RIT2: variants seen among roughly 807,000 people sequenced by gnomAD.
RIT2 encodes GTP-binding protein Rit2.
RIT2 carries 24 observed loss-of-function variants against 23.7 expected under a neutral mutation model. That is an observed-to-expected ratio of 1.01 (90% CI 0.73 to 1.43). RIT2 has a LOEUF of 1.43. Among genes scored for constraint, RIT2 ranks in the 40% most tolerant of loss-of-function variants. The pLI, the probability that RIT2 is intolerant of heterozygous loss-of-function variation, is 0.00. For synonymous variants in RIT2, 107 were observed against 91.1 expected, an observed-to-expected ratio of 1.17 and a Z score of -0.99; for missense variants, 236 against 266.9, an observed-to-expected ratio of 0.88 and a Z score of 0.81.
chr18:42,938,861 C>T (rs1909525783), intron 3 of RIT2, among the ~76,000 whole-genome samples: 1 of 152,108 alleles, frequency 6.6e-6, no homozygotes, highest in South Asian at 2.1e-4. Context: ...GTCTCAGCCT[C>T]CTGAGTAGCT....
chr18:43,001,890 G>A (rs963099919), intron 2 of RIT2, among the ~76,000 whole-genome samples: 1 of 151,974 alleles, frequency 6.6e-6, no homozygotes, highest in Non-Finnish European at 1.5e-5. Context: ...AGCTGGAGTA[G>A]ATGTGTGTGC....
At chr18:42,785,174 C>T (rs1385198048) in intron 4 of RIT2, among the ~76,000 whole-genome samples, 4 of 152,086 alleles carry the variant, frequency 2.6e-5, no homozygotes, top group African/African-American at 9.7e-5. Flanking sequence ...ACCCTATTTT[C>T]CAGAGCTAGT....
chr18:43,112,564 C>A (rs1471715199), intron 1 of RIT2, among the ~76,000 whole-genome samples: 7 of 152,048 alleles, frequency 4.6e-5, no homozygotes, highest in Admixed American at 4.6e-4. Context: ...GTTGCAAATT[C>A]TTTTAAAAGT....
At chr18:42,814,872 C>T (rs1024637965) in intron 4 of RIT2, among the ~76,000 whole-genome samples, 4 of 152,170 alleles carry the variant, frequency 2.6e-5, no homozygotes, top group Non-Finnish European at 4.4e-5. Context: ...CCCCCAGTAC[C>T]AGCCTGGAGC....
At chr18:43,047,831 T>C (rs1032034097) in intron 1 of RIT2, among the ~76,000 whole-genome samples, 14 of 152,166 alleles carry the variant, frequency 9.2e-5, no homozygotes, top group African/African-American at 3.4e-4. Flanking sequence ...GTGTTTAAAT[T>C]ATACTCCTTT....
intron 1 of RIT2, among the ~76,000 whole-genome samples, chr18:43,037,523 T>C (rs56318189): frequency 0.6 from 90,592 of 151,912 alleles, 28,380 homozygotes; most frequent in Non-Finnish European, 0.72. Context: ...TTAAAATTTG[T>C]TTTATTTTAA....
chr18:42,977,855 C>T (rs1394163732), intron 2 of RIT2, among the ~76,000 whole-genome samples: 1 of 148,756 alleles, frequency 6.7e-6, no homozygotes, highest in Non-Finnish European at 1.5e-5. Flanking sequence ...CTCAGCCATT[C>T]TAAATGTATT....
intron 4 of RIT2, among the ~76,000 whole-genome samples, chr18:42,795,942 A>G (rs554286442): frequency 6.6e-6 from 1 of 152,234 alleles, no homozygotes; most frequent in African/African-American, 2.4e-5. Context: ...TGTCTAGCCC[A>G]GGGATTGTAA....
chr18:43,051,604 T>C (rs1206709977), intron 1 of RIT2, among the ~76,000 whole-genome samples: 1 of 152,144 alleles, frequency 6.6e-6, no homozygotes, highest in Non-Finnish European at 1.5e-5. Flanking sequence ...TTTCATATAC[T>C]ATAACTTAAA....
intron 3 of RIT2, among the ~76,000 whole-genome samples, chr18:42,956,194 C>T (rs1390524175): frequency 6.6e-6 from 1 of 152,134 alleles, no homozygotes; most frequent in Admixed American, 6.6e-5. Flanking sequence ...GATCTACCTT[C>T]CTTAGCACCA....
chr18:42,771,953 C>T (rs1245720327), intron 4 of RIT2, among the ~76,000 whole-genome samples: 2 of 151,932 alleles, frequency 1.3e-5, no homozygotes, highest in African/African-American at 4.8e-5. Flanking sequence ...CCTATGTCCA[C>T]AAAGATAAAA....
At chr18:42,857,345 A>G (rs955929931) in intron 4 of RIT2, among the ~76,000 whole-genome samples, 1 of 152,076 alleles carries the variant, frequency 6.6e-6, no homozygotes, top group Non-Finnish European at 1.5e-5. Flanking sequence ...TTTTTTCTCT[A>G]TGTGATTCTT....
intron 4 of RIT2, among the ~76,000 whole-genome samples, chr18:42,900,425 A>G (rs909799964): frequency 1.3e-5 from 2 of 152,084 alleles, no homozygotes; most frequent in African/African-American, 4.8e-5. Flanking sequence ...GCGAATCCCC[A>G]TATACAAATA....
chr18:43,103,754 A>G (rs1598785812), intron 1 of RIT2, among the ~76,000 whole-genome samples: 1 of 152,202 alleles, frequency 6.6e-6, no homozygotes, highest in Non-Finnish European at 1.5e-5. Flanking sequence ...ATGGAAGGAC[A>G]TGTCTGGGTC....
At chr18:42,960,700 AT>A (rs1910076179) in intron 3 of RIT2, among the ~76,000 whole-genome samples, 1 of 152,212 alleles carries the variant, frequency 6.6e-6, no homozygotes, top group Admixed American at 6.5e-5. Flanking sequence ...CTCTAAAGAT[AT>A]TTCCTAACTA....
At chr18:43,048,542 A>C (rs985332178) in intron 1 of RIT2, among the ~76,000 whole-genome samples, 2 of 152,182 alleles carry the variant, frequency 1.3e-5, no homozygotes, top group Non-Finnish European at 2.9e-5. Flanking sequence ...AGGGTTAATA[A>C]TAATACCCAC....
rs537745525 is a variant in RIT2, at chr18:42,981,528, A to G, written c.161-7381T>C. Among the ~76,000 whole-genome samples, 18 of 152,030 alleles carry G rather than the reference A, an allele frequency of 1.2e-4. 1 individual carries two copies. In the South Asian group the frequency reaches 3.5e-3, roughly 30 times the overall value. On this transcript the variant is annotated intron_variant, in intron 2 of 4. Transcript: ENST00000326695. ...TTTCTGGGAAGATAAAATCGATGAC[A>G]TTTTTCCTATTGTTCCTGCTATGTA...
intron 1 of RIT2, among the ~76,000 whole-genome samples, chr18:43,076,878 C>A (rs996813722): frequency 6.6e-6 from 1 of 151,698 alleles, no homozygotes; most frequent in Non-Finnish European, 1.5e-5. Context: ...CCGAGGCGGG[C>A]GGATCACGAG....
At chr18:42,945,361 C>A (rs1336620327) in intron 3 of RIT2, among the ~76,000 whole-genome samples, 1 of 146,410 alleles carries the variant, frequency 6.8e-6, no homozygotes, top group African/African-American at 2.5e-5. Context: ...TTTTTTAATT[C>A]TTTATTTGTC....
Sources: gnomAD v4.1 joint callset for allele counts (sites outside exome capture counted in the v4.1 genomes callset) on GRCh38, gnomAD v4.1.1 for gene constraint, MANE v1.5 for transcripts, NCBI Gene and HGNC (gene_info 2026-07-23, HGNC 2026-07-21) for gene names.